Variants in RFT1 observed in about 807,000 individuals in gnomAD.
The protein encoded by RFT1 is man(5)GlcNAc(2)-PP-dolichol translocation protein RFT1.
A neutral mutation model predicts 62.2 loss-of-function variants in RFT1; 43 were observed. The observed-to-expected ratio is 0.69, with a 90% CI of 0.54 to 0.89. RFT1 has a LOEUF of 0.89. RFT1 is among the 40% of genes least tolerant of loss of function. The pLI, the probability that RFT1 is intolerant of heterozygous loss-of-function variation, is 0.00. For synonymous variants in RFT1, 262 were observed against 264.6 expected (o/e 0.99, Z 0.10); for missense variants, 605 against 649.9 (o/e 0.93, Z 0.75).
Position 53,111,858 on chromosome 3 carries a change from CTGTT to C in RFT1, c.743_746del (p.Lys248SerfsTer4), listed in dbSNP as rs773274468. 3 of 1,614,082 alleles carry C rather than the reference CTGTT, an allele frequency of 1.9e-6. No individual in the cohort carries two copies. Among genetic ancestry groups the C allele is most frequent in the Admixed American group, 1.7e-5 (1 of 60,030 alleles). On this transcript the variant is annotated frameshift_variant, in exon 7 of 13. Coordinates refer to ENST00000296292, the MANE Select transcript of RFT1 (RefSeq NM_052859.4). LOFTEE classifies it high-confidence loss of function. ...CTGTCAAAATCTGTTTCAAGAAAGA[CTGTT>C]TGAAAAAACTCCAAGTCAGTTTAGC...
chr3:53,105,417 C>G lies in RFT1; in HGVS notation c.957+256G>C, dbSNP rs377439850. The stretch of plus-strand genomic sequence containing the variant: ...CGTCAGAGCAAGACTCTATCCCCGC[C>G]CCCCCCCCCAAAAAGAGTAAGGTCA... On this transcript the variant is annotated intron_variant, in intron 9 of 12. Transcript: ENST00000296292. Among the ~76,000 whole-genome samples, 220 of 140,382 alleles carry G rather than the reference C, an allele frequency of 1.6e-3. 4 individuals carry two copies. The highest frequency in any genetic ancestry group is 5.0e-3 in the African/African-American group (184 of 36,976). 92.1% of individuals were successfully genotyped at this position (140,382 alleles called of 152,430 possible). A position where few individuals can be genotyped will look rare whatever the true frequency, so the allele number is the denominator to read the frequency against.
the RFT1 span, among the ~76,000 whole-genome samples, chr3:53,073,175 G>T: frequency 1.3e-5 from 2 of 152,202 alleles, no homozygotes; most frequent in Non-Finnish European, 2.9e-5. Context: ...ACATAACACT[G>T]CAGAGAGAGA....
the RFT1 span, among the ~76,000 whole-genome samples, chr3:53,067,764 T>C: frequency 0.29 from 44,744 of 152,032 alleles, 7,115 homozygotes; most frequent in East Asian, 0.5. Flanking sequence ...GTGCTTCCTT[T>C]TTTCAACTCA....
chr3:53,113,951 C>A (rs1050578027), intron 6 of RFT1, among the ~76,000 whole-genome samples: 3 of 152,188 alleles, frequency 2.0e-5, no homozygotes, highest in East Asian at 1.9e-4. Flanking sequence ...AACAGTGCAG[C>A]CCTCAGGGAA....
chr3:53,128,340 C>T (rs1702169832), intron 1 of RFT1, among the ~76,000 whole-genome samples: 1 of 152,068 alleles, frequency 6.6e-6, no homozygotes, highest in Non-Finnish European at 1.5e-5. Flanking sequence ...CTTATGTTAA[C>T]CTCAAAGTTA....
chr3:53,119,857 G>C, intron 6 of RFT1, 27 bp downstream of exon 6: 1 of 1,573,916 alleles, frequency 6.4e-7, no homozygotes. Flanking sequence ...TGATTAAAAT[G>C]ATAAGAGATA....
chr3:53,074,161 CCCAGGG>C, the RFT1 span, among the ~76,000 whole-genome samples: 1 of 152,120 alleles, frequency 6.6e-6, no homozygotes, highest in Admixed American at 6.5e-5. Context: ...CGGAAATTGT[CCCAGGG>C]CCAGGGCAGA....
At chr3:53,101,507 G>GTA (rs1423703172) in intron 10 of RFT1, among the ~76,000 whole-genome samples, 1 of 152,208 alleles carries the variant, frequency 6.6e-6, no homozygotes, top group African/African-American at 2.4e-5. Flanking sequence ...AGTGACTCAC[G>GTA]TAAAGGGTTT....
chr3:53,124,205 G>A (rs1347776024), intron 2 of RFT1, among the ~76,000 whole-genome samples: 2 of 152,180 alleles, frequency 1.3e-5, no homozygotes, highest in East Asian at 3.8e-4. Context: ...ACGAGTGACC[G>A]ATGGCCCCTG....
intron 6 of RFT1, among the ~76,000 whole-genome samples, chr3:53,112,303 G>T (rs929366068): frequency 6.6e-6 from 1 of 152,212 alleles, no homozygotes; most frequent in Admixed American, 6.5e-5. Context: ...GTAATGCTAT[G>T]TTCAGCCATC....
chr3:53,081,955 T>C, the RFT1 span, among the ~76,000 whole-genome samples: 1 of 152,152 alleles, frequency 6.6e-6, no homozygotes, highest in Non-Finnish European at 1.5e-5. Context: ...AGTTTTGTTT[T>C]GTTTTTGAAA....
In RFT1 at chr3:53,130,340, G is replaced by C. The variant is rs1274786841; in HGVS notation, c.61C>G (p.Gln21Glu). ...ARLASSGLLL[Q>E]VLFRLITFVL... is the part of the protein sequence containing the mutation. ...GGAACCTGAAGGGCAGAGAGTACCTGCAGGAGGAGACCGGAGGAGGCCAGC... is the reference window on the plus strand; with the variant it reads ...GGAACCTGAAGGGCAGAGAGTACCTCCAGGAGGAGACCGGAGGAGGCCAGC... Residue 21 changes from glutamine (Q) to glutamate (E), a missense_variant and splice_region_variant, in exon 1 of 13, where the codon CAG (glutamine) becomes GAG (glutamate). Coordinates refer to ENST00000296292, the MANE Select transcript of RFT1 (RefSeq NM_052859.4). 1 of 1,568,198 alleles carries C rather than the reference G, an allele frequency of 6.4e-7. No individual in the cohort carries two copies. Among genetic ancestry groups the C allele is most frequent in the Non-Finnish European group, 8.6e-7 (1 of 1,157,022 alleles).
At chr3:53,106,985 A>C (rs1047344480) in intron 7 of RFT1, 116 bp from the exon 8 acceptor site, 2 of 757,076 alleles carry the variant, frequency 2.6e-6, no homozygotes, top group East Asian at 5.4e-5. Context: ...AATACTAGGT[A>C]ATCAGTTAAA....
At chr3:53,118,966 T>G (rs1701890480) in intron 6 of RFT1, among the ~76,000 whole-genome samples, 1 of 152,086 alleles carries the variant, frequency 6.6e-6, no homozygotes, top group Non-Finnish European at 1.5e-5. Flanking sequence ...ATCCCAGCAC[T>G]TTGGGAGGCT....
intron 7 of RFT1, among the ~76,000 whole-genome samples, chr3:53,107,701 C>T (rs1701527046): frequency 6.6e-6 from 1 of 151,596 alleles, no homozygotes; most frequent in South Asian, 2.1e-4. Context: ...CTAATGCCTT[C>T]AAGGTGAAGA....
intron 1 of RFT1, among the ~76,000 whole-genome samples, chr3:53,128,020 G>A (rs990132496): frequency 2.6e-5 from 4 of 151,814 alleles, no homozygotes; most frequent in African/African-American, 4.8e-5. Flanking sequence ...AAAAAAATCC[G>A]AGCGCGGTAG....
At chr3:53,085,565 T>C (rs59583591), downstream of RFT1, among the ~76,000 whole-genome samples, 24,760 of 152,242 alleles carry the variant, frequency 0.16, 2,934 homozygotes, top group African/African-American at 0.34. Context: ...ACCACTCTTG[T>C]GTCCTTATCC....
At chr3:53,095,033 C>T (rs535559880) in intron 11 of RFT1, among the ~76,000 whole-genome samples, 10 of 149,064 alleles carry the variant, frequency 6.7e-5, no homozygotes, top group Admixed American at 6.6e-5. Flanking sequence ...TTTGGGAGGC[C>T]GAGGCGGGTA....
At chr3:53,126,372 C>G (rs1212350845) in intron 1 of RFT1, among the ~76,000 whole-genome samples, 2 of 152,184 alleles carry the variant, frequency 1.3e-5, no homozygotes, top group Non-Finnish European at 2.9e-5. Flanking sequence ...CCCACCCCAG[C>G]CTGTTTAGAA....
Sources: gnomAD v4.1 joint callset for allele counts (sites outside exome capture counted in the v4.1 genomes callset) on GRCh38, gnomAD v4.1.1 for gene constraint, MANE v1.5 for transcripts, NCBI Gene and HGNC (gene_info 2026-07-23, HGNC 2026-07-21) for gene names.